The following NT5DC1 variants were observed in gnomAD, a reference collection of about 807,000 sequenced individuals.
NT5DC1 encodes the protein 5'-nucleotidase domain-containing protein 1.
In NT5DC1, 42 loss-of-function variants were observed where a neutral mutation model predicts 59.4. The observed-to-expected ratio is 0.71, with a 90% confidence interval of 0.55 to 0.92. The LOEUF is 0.92. Among genes scored for constraint, NT5DC1 ranks in the 40% least tolerant of loss-of-function variants. NT5DC1 has a pLI of 0.00. For missense variants in NT5DC1, 501 were observed against 537.1 expected (o/e 0.93, Z 0.66); for synonymous variants, 172 against 188.1 (o/e 0.91, Z 0.70).
intron 6 of NT5DC1, among the ~76,000 whole-genome samples, chr6:116,168,206 C>CT (rs1780520340): frequency 6.7e-6 from 1 of 149,836 alleles, no homozygotes; most frequent in East Asian, 2.0e-4. Flanking sequence ...CTCCTTTTCT[C>CT]TTTTCTCTCT....
At chr6:116,198,287 A>G (rs1318773640) in intron 6 of NT5DC1, among the ~76,000 whole-genome samples, 1 of 152,094 alleles carries the variant, frequency 6.6e-6, no homozygotes, top group Non-Finnish European at 1.5e-5. Context: ...ATCCTGAAAC[A>G]GAAAACAGTC....
At chr6:116,120,929 A>G (rs1779099800) in intron 6 of NT5DC1, 1 of 1,613,732 alleles carries the variant, frequency 6.2e-7, no homozygotes, top group South Asian at 1.1e-5. Context: ...AGGACCATCG[A>G]GACCTGGTTT....
chr6:116,200,836 C>T (rs970972708), intron 6 of NT5DC1, among the ~76,000 whole-genome samples: 1 of 152,000 alleles, frequency 6.6e-6, no homozygotes, highest in African/African-American at 2.4e-5. Context: ...AATCCTGTGG[C>T]AGACCATGTT....
At chr6:116,157,626 A>G (rs1780228951) in intron 6 of NT5DC1, among the ~76,000 whole-genome samples, 1 of 152,230 alleles carries the variant, frequency 6.6e-6, no homozygotes. Flanking sequence ...AAAAAATTAC[A>G]TGAAACCACA....
intron 6 of NT5DC1, among the ~76,000 whole-genome samples, chr6:116,194,749 A>G (rs1417872073): frequency 1.3e-5 from 2 of 152,082 alleles, no homozygotes; most frequent in African/African-American, 4.8e-5. Flanking sequence ...CAGAAGAGTT[A>G]GAAACAAATG....
At chr6:116,187,180 G>A (rs1265220646) in intron 6 of NT5DC1, among the ~76,000 whole-genome samples, 1 of 152,056 alleles carries the variant, frequency 6.6e-6, no homozygotes, top group Non-Finnish European at 1.5e-5. Flanking sequence ...ATCTGGTACT[G>A]GGAAGTGTCT....
intron 6 of NT5DC1, among the ~76,000 whole-genome samples, chr6:116,210,217 C>A (rs1023752971): frequency 2.6e-5 from 4 of 151,978 alleles, no homozygotes; most frequent in African/African-American, 9.7e-5. Context: ...GCTTAAAAGA[C>A]TTTCCACATT....
chr6:116,190,186 C>T (rs1397269153), intron 6 of NT5DC1, among the ~76,000 whole-genome samples: 1 of 151,910 alleles, frequency 6.6e-6, no homozygotes, highest in African/African-American at 2.4e-5. Flanking sequence ...TCATTTTCTC[C>T]TCTTCCCATC....
chr6:116,101,099 G>A, intron 1 of NT5DC1, 76 bp downstream of exon 1: 4 of 1,098,338 alleles, frequency 3.6e-6, no homozygotes, highest in Non-Finnish European at 5.2e-6. Context: ...TCCAGGTTTG[G>A]GCAACGGCGG....
intron 6 of NT5DC1, among the ~76,000 whole-genome samples, chr6:116,183,646 ATT>A (rs200127897): frequency 2.0e-5 from 3 of 146,602 alleles, no homozygotes; most frequent in African/African-American, 7.5e-5. Flanking sequence ...TTATTTTATT[ATT>A]TTTTTTTTGC....
chr6:116,229,520 C>T (rs1781972947), intron 8 of NT5DC1, among the ~76,000 whole-genome samples: 1 of 152,170 alleles, frequency 6.6e-6, no homozygotes, highest in Non-Finnish European at 1.5e-5. Context: ...TCCCTCCAGT[C>T]TGATTCCTGC....
Position 116,232,668 on chromosome 6 carries a change from G to T in NT5DC1, c.803-4298G>T, listed in dbSNP as rs572042625. Among the ~76,000 whole-genome samples, 15 of 152,242 alleles carry T rather than the reference G, an allele frequency of 9.9e-5. No individual in the cohort carries two copies. In the South Asian group the frequency reaches 3.1e-3, roughly 32 times the overall value. The stretch of plus-strand genomic sequence containing the variant: ...AAACTTCTCACAGATTCTGCTCTCT[G>T]TGGTAAGTTTTGCTTAGCTTTATTC... On this transcript the variant is annotated intron_variant, in intron 8 of 11. Transcript: ENST00000319550.
chr6:116,132,909 G>A (rs1464655792), intron 6 of NT5DC1, among the ~76,000 whole-genome samples: 1 of 152,146 alleles, frequency 6.6e-6, no homozygotes, highest in Non-Finnish European at 1.5e-5. Context: ...GAGCCCAGAA[G>A]CTAAAAATGA....
chr6:116,159,580 A>G (rs1780282118), intron 6 of NT5DC1, among the ~76,000 whole-genome samples: 1 of 152,188 alleles, frequency 6.6e-6, no homozygotes, highest in Non-Finnish European at 1.5e-5. Context: ...TATAGCCTGT[A>G]ATTTTCTTTA....
At chr6:116,145,453 C>T in intron 6 of NT5DC1, 1 of 390,792 alleles carries the variant, frequency 2.6e-6, no homozygotes, top group South Asian at 2.0e-5. Flanking sequence ...AGATTGGCCA[C>T]ATCCTTGCTT....
chr6:116,223,154 C>A (rs755406211), intron 8 of NT5DC1, 23 bp downstream of exon 8: 4 of 1,317,932 alleles, frequency 3.0e-6, no homozygotes, highest in South Asian at 2.4e-5. Flanking sequence ...TGGTTTCTTT[C>A]TTTTCCTGTA....
At chr6:116,142,037 G>C (rs1779780060) in intron 6 of NT5DC1, among the ~76,000 whole-genome samples, 1 of 151,850 alleles carries the variant, frequency 6.6e-6, no homozygotes, top group Non-Finnish European at 1.5e-5. Context: ...TGTTACTTCT[G>C]AGTTTCATTT....
intron 6 of NT5DC1, among the ~76,000 whole-genome samples, chr6:116,146,557 G>C (rs1779901795): frequency 6.6e-6 from 1 of 152,226 alleles, no homozygotes; most frequent in African/African-American, 2.4e-5. Flanking sequence ...AGGGGGAAGA[G>C]AAGGTTAAAT....
chr6:116,140,388 G>T (rs1779737417), intron 6 of NT5DC1, among the ~76,000 whole-genome samples: 1 of 151,662 alleles, frequency 6.6e-6, no homozygotes, highest in South Asian at 2.1e-4. Context: ...TTACATTCCT[G>T]GTTTCCACAA....
Sources: allele counts gnomAD v4.1 joint callset (sites outside exome capture counted in the v4.1 genomes callset), GRCh38; gene constraint gnomAD v4.1.1; transcripts MANE v1.5; gene names NCBI Gene and HGNC (gene_info 2026-07-23, HGNC 2026-07-21).